The following AGBL3 variants were observed in gnomAD, a reference collection of about 807,000 sequenced individuals.
The protein encoded by AGBL3 is AGBL carboxypeptidase 3, also known as cytosolic carboxypeptidase 3.
In AGBL3, 68 loss-of-function variants were observed where a neutral mutation model predicts 94.5. The ratio of observed to expected loss-of-function variants is 0.72; its 90% CI spans 0.59 to 0.88. The LOEUF is 0.88. AGBL3 is among the 40% of genes least tolerant of loss of function. AGBL3 has a pLI of 0.00. For synonymous variants in AGBL3, 354 were observed against 370.7 expected (o/e 0.95, Z 0.52); for missense variants, 934 against 1,103.8 (o/e 0.85, Z 2.18).
chr7:135,051,886 A>T lies in AGBL3; in HGVS notation c.1841+5975A>T, dbSNP rs1208689681. ...CTTTGTAATTCTTTTTAAGCTTAGT[A>T]TAAAGTATTTTTTAAAAGGAAAGAG... On this transcript the variant is annotated intron_variant, in intron 11 of 16. Transcript: ENST00000436302. Among the ~76,000 whole-genome samples the T allele has an allele frequency of 2.0e-5, 3 of 152,258 alleles. No homozygotes were observed. The East Asian group carries it at 5.8e-4, about 29-fold the overall frequency.
At chr7:135,133,263 A>G (rs1829047887) in intron 16 of AGBL3, among the ~76,000 whole-genome samples, 1 of 152,240 alleles carries the variant, frequency 6.6e-6, no homozygotes, top group South Asian at 2.1e-4. Flanking sequence ...AAAGTATACA[A>G]CATGAATAAG....
At chr7:135,047,897 G>A (rs182923629) in intron 11 of AGBL3, among the ~76,000 whole-genome samples, 11 of 151,886 alleles carry the variant, frequency 7.2e-5, no homozygotes, top group Admixed American at 7.2e-4. Flanking sequence ...TTATTTTTGG[G>A]TTTGTTGCCT....
chr7:135,048,738 T>C (rs976102294), intron 11 of AGBL3, among the ~76,000 whole-genome samples: 26 of 143,164 alleles, frequency 1.8e-4, no homozygotes, highest in African/African-American at 6.1e-4. Flanking sequence ...AGTTTATTGA[T>C]TAGTTCTCAC....
At chr7:135,112,074 T>C (rs1456486963) in intron 15 of AGBL3, among the ~76,000 whole-genome samples, 1 of 152,192 alleles carries the variant, frequency 6.6e-6, no homozygotes, top group Non-Finnish European at 1.5e-5. Context: ...TACACTTCTG[T>C]TTTTTGGTCT....
At chr7:135,038,758 G>A (rs536482511) in intron 8 of AGBL3, among the ~76,000 whole-genome samples, 3 of 152,208 alleles carry the variant, frequency 2.0e-5, no homozygotes, top group South Asian at 2.1e-4. Flanking sequence ...TCAGGAGATC[G>A]AGACCATCCT....
In AGBL3 at chr7:135,045,757, TAA is replaced by T. The variant is rs201931872; in HGVS notation, c.1729-40_1729-39del. 3,466 of 1,436,684 alleles carry T rather than the reference TAA, an allele frequency of 2.4e-3. 67 individuals are homozygous for T. In the African/African-American group the frequency reaches 0.04, roughly 17 times the overall value. 89.0% of individuals were successfully genotyped at this position (1,436,684 alleles called of 1,614,324 possible). ...ATACTCAAATAGTTTAATCAGGAAA[TAA>T]AGTTATTTCATAATGAGCTCATTTA... On this transcript the variant is annotated intron_variant, in intron 10 of 16. Transcript: ENST00000436302.
intron 15 of AGBL3, among the ~76,000 whole-genome samples, chr7:135,100,303 G>T (rs1823634189): frequency 6.6e-6 from 1 of 152,152 alleles, no homozygotes; most frequent in African/African-American, 2.4e-5. Context: ...GGTCATGGGG[G>T]GATAAAACTA....
At chr7:135,037,651 C>A in intron 8 of AGBL3, 71 bp downstream of exon 8, 2 of 1,287,800 alleles carry the variant, frequency 1.6e-6, no homozygotes, top group East Asian at 2.7e-5. Context: ...GAATGGCCCA[C>A]GTGGATAATA....
At chr7:135,102,768 A>T (rs1160660402) in intron 15 of AGBL3, among the ~76,000 whole-genome samples, 1 of 152,100 alleles carries the variant, frequency 6.6e-6, no homozygotes. Context: ...GCAAAAAAAA[A>T]TTAACTCAAA....
chr7:134,999,094 A>G (rs975788937), intron 4 of AGBL3, among the ~76,000 whole-genome samples: 6 of 152,172 alleles, frequency 3.9e-5, no homozygotes, highest in Non-Finnish European at 8.8e-5. Context: ...TTTTGATGTG[A>G]TATCTTTTTG....
chr7:135,098,896 T>C (rs2348267), intron 15 of AGBL3, among the ~76,000 whole-genome samples: 36,177 of 152,062 alleles, frequency 0.24, 5,350 homozygotes, highest in South Asian at 0.42. Context: ...ATATGACATA[T>C]AAAACTTAAA....
intron 8 of AGBL3, among the ~76,000 whole-genome samples, chr7:135,039,978 G>C: frequency 6.6e-6 from 1 of 151,946 alleles, no homozygotes; most frequent in African/African-American, 2.4e-5. Flanking sequence ...AGAACGAGGA[G>C]GAGGGGGAGG....
At chr7:135,132,786 C>T (rs914606848) in intron 16 of AGBL3, among the ~76,000 whole-genome samples, 4 of 152,084 alleles carry the variant, frequency 2.6e-5, no homozygotes, top group South Asian at 4.1e-4. Context: ...GCCAAGATTG[C>T]GAGGCCTCCC....
At chr7:135,029,579 C>G (rs1225976340) in intron 5 of AGBL3, among the ~76,000 whole-genome samples, 1 of 152,110 alleles carries the variant, frequency 6.6e-6, no homozygotes, top group Non-Finnish European at 1.5e-5. Context: ...CTGGTTTGAC[C>G]CAGACCACCA....
At chr7:135,046,309 G>A (rs957417173) in intron 11 of AGBL3, among the ~76,000 whole-genome samples, 2 of 152,072 alleles carry the variant, frequency 1.3e-5, no homozygotes, top group Non-Finnish European at 2.9e-5. Flanking sequence ...CAGTTAATGA[G>A]TCTGCAGTGA....
intron 16 of AGBL3, among the ~76,000 whole-genome samples, chr7:135,119,060 C>T (rs949337477): frequency 2.6e-5 from 4 of 151,944 alleles, no homozygotes; most frequent in Admixed American, 6.6e-5. Flanking sequence ...ATTCACATAT[C>T]GTAGTTTCAG....
chr7:135,121,670 G>A (rs539988951), intron 16 of AGBL3, among the ~76,000 whole-genome samples: 1 of 152,134 alleles, frequency 6.6e-6, no homozygotes, highest in South Asian at 2.1e-4. Flanking sequence ...AGCGGCATTC[G>A]GAGGCTCCCA....
intron 8 of AGBL3, among the ~76,000 whole-genome samples, chr7:135,043,742 A>G (rs932219191): frequency 6.6e-6 from 1 of 152,082 alleles, no homozygotes; most frequent in Non-Finnish European, 1.5e-5. Context: ...AAAAATTAAA[A>G]AAGAACTTAT....
At chr7:135,020,333 G>A (rs934873238) in intron 5 of AGBL3, among the ~76,000 whole-genome samples, 1 of 152,226 alleles carries the variant, frequency 6.6e-6, no homozygotes, top group African/African-American at 2.4e-5. Flanking sequence ...GGCCATCAGA[G>A]AAATGCAAAT....
Sources: allele counts gnomAD v4.1 joint callset (sites outside exome capture counted in the v4.1 genomes callset), GRCh38; gene constraint gnomAD v4.1.1; transcripts MANE v1.5; gene names NCBI Gene and HGNC (gene_info 2026-07-23, HGNC 2026-07-21).